Variants in CACNA1A observed in about 807,000 individuals in gnomAD.
The protein encoded by CACNA1A is calcium voltage-gated channel subunit alpha1 A.
In CACNA1A, 57 loss-of-function variants were observed where a neutral mutation model predicts 262.4. The observed-to-expected ratio is 0.22, with a 90% CI of 0.18 to 0.27. The LOEUF is 0.27. Among genes scored for constraint, CACNA1A ranks in the 10% least tolerant of loss-of-function variants. The pLI, the probability that CACNA1A is intolerant of heterozygous loss-of-function variation, is 1.00. For synonymous variants in CACNA1A, 1,431 were observed against 1,419.3 expected (o/e 1.01, Z -0.18); for missense variants, 2,526 against 3,562.8 (o/e 0.71, Z 7.41).
chr19:13,344,142 A>G (rs778040241), intron 6 of CACNA1A, among the ~76,000 whole-genome samples: 2 of 148,220 alleles, frequency 1.3e-5, no homozygotes, highest in East Asian at 2.1e-4. Context: ...TGAGCCTAGG[A>G]GGCAGAGGTT....
rs1441725236 is a variant in CACNA1A at position 13,308,602 on chromosome 19, C to T, written c.1669-74G>A. 3.2e-6 allele frequency: 3 copies of T among 924,998 alleles called. No homozygotes were observed. Among genetic ancestry groups the T allele is most frequent in the Non-Finnish European group, 4.9e-6 (3 of 607,790 alleles). 57.3% of individuals were successfully genotyped at this position (924,998 alleles called of 1,614,324 possible). ...AGAACTGGCAAGCATTTCCTAGGTA[C>T]CAACCTTGCAAGAACTCAACCAAAC... On this transcript the variant is annotated intron_variant, in intron 12 of 46. Transcript: ENST00000360228. This position sits in a 1 kb window ranked among gnomAD's most constrained non-coding sequence, Gnocchi z 4.2.
At chr19:13,476,343 T>A (rs888359929) in intron 1 of CACNA1A, among the ~76,000 whole-genome samples, 1 of 152,164 alleles carries the variant, frequency 6.6e-6, no homozygotes, top group Non-Finnish European at 1.5e-5. Flanking sequence ...CACAGCCAGG[T>A]AGGTCAGTTT....
chr19:13,473,514 G>A (rs770988395), intron 1 of CACNA1A, among the ~76,000 whole-genome samples: 2 of 152,198 alleles, frequency 1.3e-5, no homozygotes, highest in Admixed American at 6.5e-5. Flanking sequence ...GTTGTTTTAA[G>A]CCATATAGTT....
rs188318974 is a variant in CACNA1A, at chr19:13,236,130, A to G, written c.4951-400T>C. 3.3e-5 allele frequency among the ~76,000 whole-genome samples: 5 copies of G among 152,040 alleles called. No individual in the cohort carries two copies. In the East Asian group the frequency reaches 9.7e-4, roughly 29 times the overall value. ...ATCGAGATGGTTTTTGTTTCTCCCA[A>G]CAACCAAATGCACTGAGACGAAAGG... On this transcript the variant is annotated intron_variant, in intron 31 of 46. Coordinates refer to ENST00000360228, the MANE Select transcript of CACNA1A (RefSeq NM_001127222.2). This position sits in a 1 kb window ranked among gnomAD's most constrained non-coding sequence, Gnocchi z 4.6.
chr19:13,391,448 T>C (rs1235164531), intron 3 of CACNA1A, among the ~76,000 whole-genome samples: 6 of 152,112 alleles, frequency 3.9e-5, no homozygotes, highest in Non-Finnish European at 8.8e-5. Flanking sequence ...AAAGGACATG[T>C]TTCTATTTCG....
At chr19:13,247,707 T>TAAAAAA (rs1265747832) in intron 30 of CACNA1A, among the ~76,000 whole-genome samples, 2 of 104,670 alleles carry the variant, frequency 1.9e-5, no homozygotes, top group African/African-American at 8.0e-5. Context: ...CAAAAATAAA[T>TAAAAAA]AAATAAAAAT....
At chr19:13,312,857 C>T in intron 11 of CACNA1A, 76 bp from the exon 12 acceptor site, 1 of 679,310 alleles carries the variant, frequency 1.5e-6, no homozygotes, top group Admixed American at 3.4e-5. Flanking sequence ...TCTGACTTTC[C>T]TTTTATTATC....
At chr19:13,440,428 C>T (rs2060697053) in intron 3 of CACNA1A, among the ~76,000 whole-genome samples, 1 of 152,266 alleles carries the variant, frequency 6.6e-6, no homozygotes, top group Middle Eastern at 3.4e-3. Context: ...ATTGGGAACC[C>T]AACTAATAAT....
At chr19:13,456,565 T>C (rs1352865054) in intron 1 of CACNA1A, among the ~76,000 whole-genome samples, 3 of 151,974 alleles carry the variant, frequency 2.0e-5, no homozygotes, top group African/African-American at 7.3e-5. Flanking sequence ...TCCCAGCTAC[T>C]CGGGAGGCTG....
rs1480849828 is a variant in CACNA1A at position 13,291,390 on chromosome 19, TG to T, written c.3090-4425del. Among the ~76,000 whole-genome samples, 3 of 149,608 alleles carry T rather than the reference TG, an allele frequency of 2.0e-5. No individual in the cohort carries two copies. In the Admixed American group the frequency reaches 2.0e-4, roughly 10 times the overall value. On this transcript the variant is annotated intron_variant, in intron 19 of 46. Coordinates refer to ENST00000360228, the MANE Select transcript of CACNA1A (RefSeq NM_001127222.2). ...TCCCTGCAACTACCACCATCCGAGA[TG>T]GGTATAGTGATCAGCCCCATTTCAC...
At chr19:13,453,130 C>T in intron 2 of CACNA1A, 115 bp from the exon 3 acceptor site, 1 of 1,009,364 alleles carries the variant, frequency 9.9e-7, no homozygotes, top group Non-Finnish European at 1.5e-6. Context: ...CCCTGACCCT[C>T]CTGCACTCAC....
rs35266881 is a variant in CACNA1A at position 13,437,691 on chromosome 19, C to CAAAAAAAAAAAA, written c.539+15173_539+15184dup. Among the ~76,000 whole-genome samples the CAAAAAAAAAAAA allele has an allele frequency of 6.5e-4, 42 of 64,756 alleles. 1 individual carries two copies. The highest frequency in any genetic ancestry group is 1.7e-3 in the East Asian group (4 of 2,296). 42.5% of individuals were successfully genotyped at this position (64,756 alleles called of 152,430 possible). ...GGGCAACAAGAGTGAAACCCCATCT[C>CAAAAAAAAAAAA]AAAAAAAAAAAAAAAAAAAAAAAGA... On this transcript the variant is annotated intron_variant, in intron 3 of 46. Transcript: ENST00000360228.
chr19:13,474,567 C>T (rs1978320097), intron 1 of CACNA1A, among the ~76,000 whole-genome samples: 1 of 152,142 alleles, frequency 6.6e-6, no homozygotes, highest in Admixed American at 6.5e-5. Context: ...GCCTGTAATC[C>T]CAGCACTTTG....
At chr19:13,445,520 C>T (rs2060794515) in intron 3 of CACNA1A, among the ~76,000 whole-genome samples, 1 of 152,106 alleles carries the variant, frequency 6.6e-6, no homozygotes. Context: ...TTTTACTGAG[C>T]ATTTATTATG....
chr19:13,311,710 A>G (rs937794962), intron 12 of CACNA1A, among the ~76,000 whole-genome samples: 63 of 152,002 alleles, frequency 4.1e-4, no homozygotes, highest in Non-Finnish European at 6.8e-4. Context: ...GATGGCGGGC[A>G]CCTGTAGTCC....
intron 24 of CACNA1A, among the ~76,000 whole-genome samples, chr19:13,267,177 A>G (rs1270129356): frequency 6.6e-6 from 1 of 152,092 alleles, no homozygotes; most frequent in Non-Finnish European, 1.5e-5. Context: ...ATAGAGAGAG[A>G]CTTTACCGTG....
chr19:13,264,617 T>A (rs1440068426), intron 24 of CACNA1A, among the ~76,000 whole-genome samples: 2 of 152,190 alleles, frequency 1.3e-5, no homozygotes, highest in African/African-American at 4.8e-5. Context: ...TCTGTCTGCT[T>A]ATGCATATAC....
intron 33 of CACNA1A, 85 bp downstream of exon 33, chr19:13,235,124 G>A: frequency 6.4e-7 from 1 of 1,551,156 alleles, no homozygotes; most frequent in Non-Finnish European, 8.9e-7. Flanking sequence ...CTGCTTCTGT[G>A]AACCAGGCTC....
chr19:13,399,503 T>G (rs2059864007), intron 3 of CACNA1A, among the ~76,000 whole-genome samples: 2 of 151,710 alleles, frequency 1.3e-5, no homozygotes, highest in South Asian at 4.2e-4. Flanking sequence ...TGAACCATAT[T>G]ATTCTTTGTC....
Sources: allele counts gnomAD v4.1 joint callset (sites outside exome capture counted in the v4.1 genomes callset), GRCh38; gene constraint gnomAD v4.1.1; non-coding constraint Gnocchi (gnomAD v3.1); transcripts MANE v1.5; gene names NCBI Gene and HGNC (gene_info 2026-07-23, HGNC 2026-07-21).